Variants in CPA6 observed in about 807,000 individuals in gnomAD.
CPA6 encodes carboxypeptidase B.
A neutral mutation model predicts 63.3 loss-of-function variants in CPA6; 58 were observed. That is an observed-to-expected ratio of 0.92 (90% CI 0.74 to 1.14). The LOEUF is 1.14. Ranked by LOEUF, CPA6 falls within the 50% of genes most tolerant of loss-of-function variation. The pLI is 0.00. For synonymous variants in CPA6, 185 were observed against 179.0 expected (o/e 1.03, Z -0.27); for missense variants, 565 against 526.6 (o/e 1.07, Z -0.71).
At chr8:67,493,178 G>GT (rs1377229727) in intron 6 of CPA6, among the ~76,000 whole-genome samples, 6 of 151,984 alleles carry the variant, frequency 3.9e-5, no homozygotes, top group Admixed American at 3.9e-4. Context: ...TTTATTCCCT[G>GT]TTTTTTGGCA....
chr8:67,438,464 A>G lies in CPA6; in HGVS notation c.839-4224T>C, dbSNP rs569816555. 3.3e-5 allele frequency among the ~76,000 whole-genome samples: 5 copies of G among 152,332 alleles called. No individual in the cohort carries two copies. The South Asian group carries it at 8.3e-4, about 25-fold the overall frequency. ...AAAGGAATTTTGAATCTAGGCTTCT[A>G]TATCTAGCTGAATTCCCATTGCAAT... On this transcript the variant is annotated intron_variant, in intron 8 of 10. Transcript: ENST00000297770.
At chr8:67,436,986 G>A (rs570909815) in intron 8 of CPA6, among the ~76,000 whole-genome samples, 10 of 152,328 alleles carry the variant, frequency 6.6e-5, no homozygotes, top group Admixed American at 2.6e-4. Flanking sequence ...ATGCTGTAGG[G>A]AAGTCAAGAG....
At chr8:67,592,672 C>A (rs1268883564) in intron 2 of CPA6, among the ~76,000 whole-genome samples, 2 of 151,916 alleles carry the variant, frequency 1.3e-5, no homozygotes, top group South Asian at 2.1e-4. Flanking sequence ...AGTTTATTTG[C>A]GTAGAGGTGT....
At chr8:67,524,359 A>G (rs1266904083) in intron 2 of CPA6, among the ~76,000 whole-genome samples, 5 of 152,200 alleles carry the variant, frequency 3.3e-5, no homozygotes, top group African/African-American at 9.7e-5. Flanking sequence ...ATAGAAATCT[A>G]TTCTCTCACA....
rs558379964 is a variant in CPA6, at chr8:67,689,892, A to G, written c.116+56122T>C. Among the ~76,000 whole-genome samples, 6 of 152,332 alleles carry G rather than the reference A, an allele frequency of 3.9e-5. No homozygotes were observed. In the East Asian group the frequency reaches 1.2e-3, roughly 29 times the overall value. ...GCTGAACTAATTTATATTCCCACCAACAGTGAATAAGCATTCCCTTTTCTC... is the reference window on the plus strand; with the variant it reads ...GCTGAACTAATTTATATTCCCACCAGCAGTGAATAAGCATTCCCTTTTCTC... On this transcript the variant is annotated intron_variant, in intron 1 of 10. Coordinates refer to ENST00000297770, the MANE Select transcript of CPA6 (RefSeq NM_020361.5).
Position 67,746,169 on chromosome 8 carries a change from C to A in CPA6, c.-40G>T. On this transcript the variant is annotated 5_prime_UTR_variant, in exon 1 of 11. Transcript: ENST00000297770. ...AGGAGTTGAAAGTTACTTAAGCAGC[C>A]ACCCGAGGCTGGAGGTGGCTCACAG... 1 of 1,525,592 alleles carries A rather than the reference C, an allele frequency of 6.6e-7. No individual in the cohort carries two copies. Among genetic ancestry groups the A allele is most frequent in the Non-Finnish European group, 9.0e-7 (1 of 1,110,228 alleles). 94.5% of individuals were successfully genotyped at this position (1,525,592 alleles called of 1,614,324 possible). A position where few individuals can be genotyped will look rare whatever the true frequency, so the allele number is the denominator to read the frequency against.
chr8:67,666,762 G>T (rs183117012), intron 1 of CPA6, among the ~76,000 whole-genome samples: 1 of 152,238 alleles, frequency 6.6e-6, no homozygotes, highest in East Asian at 1.9e-4. Flanking sequence ...CTTCTCTGGG[G>T]CATTGGGGGA....
chr8:67,481,924 C>T (rs571302898), intron 8 of CPA6, among the ~76,000 whole-genome samples: 1 of 152,182 alleles, frequency 6.6e-6, no homozygotes, highest in Admixed American at 6.5e-5. Context: ...CCTGCACTTC[C>T]CCATCACTTC....
At chr8:67,513,645 C>T (rs1563982289) in intron 3 of CPA6, among the ~76,000 whole-genome samples, 1 of 152,140 alleles carries the variant, frequency 6.6e-6, no homozygotes, top group Non-Finnish European at 1.5e-5. Context: ...ACATTGCACC[C>T]AAACGCAGGC....
intron 1 of CPA6, among the ~76,000 whole-genome samples, chr8:67,627,086 A>G (rs1288500427): frequency 1.3e-5 from 2 of 152,186 alleles, no homozygotes; most frequent in African/African-American, 2.4e-5. Context: ...GCTGTTTGAT[A>G]ACTTATCAAA....
Position 67,624,811 on chromosome 8 carries a change from G to A in CPA6, c.117-560C>T, listed in dbSNP as rs182498376. On this transcript the variant is annotated intron_variant, in intron 1 of 10. Transcript: ENST00000297770. The stretch of plus-strand genomic sequence containing the variant: ...GGGGCCAAACAAGAGGGCCGTCGGC[G>A]TTAGACACTGATGGCTGTAAATTTT... Among the ~76,000 whole-genome samples the A allele has an allele frequency of 2.3e-4, 35 of 152,258 alleles. No individual in the cohort carries two copies. The East Asian group carries it at 5.2e-3, about 23-fold the overall frequency.
chr8:67,447,053 CACAT>C lies in CPA6; in HGVS notation c.839-12817_839-12814del, dbSNP rs1170965842. Among the ~76,000 whole-genome samples the C allele has an allele frequency of 3.9e-3, 576 of 149,510 alleles. 8 individuals are homozygous for C. The highest frequency in any genetic ancestry group is 0.013 in the African/African-American group (512 of 40,626). ...ATATACACACATATATATATACACA[CACAT>C]ATATATACACACATATATACACATA... On this transcript the variant is annotated intron_variant, in intron 8 of 10. Coordinates refer to ENST00000297770, the MANE Select transcript of CPA6 (RefSeq NM_020361.5).
At chr8:67,737,788 T>C (rs1817842075) in intron 1 of CPA6, among the ~76,000 whole-genome samples, 1 of 152,188 alleles carries the variant, frequency 6.6e-6, no homozygotes, top group Non-Finnish European at 1.5e-5. Flanking sequence ...CTCTAGAGAA[T>C]AGGAAAGGGT....
chr8:67,694,039 C>A (rs1816864098), intron 1 of CPA6, among the ~76,000 whole-genome samples: 1 of 152,186 alleles, frequency 6.6e-6, no homozygotes, highest in South Asian at 2.1e-4. Context: ...GCCTAATAGA[C>A]CTCTGGATTT....
intron 8 of CPA6, among the ~76,000 whole-genome samples, chr8:67,457,423 G>A (rs1361821417): frequency 6.6e-6 from 1 of 152,086 alleles, no homozygotes; most frequent in African/African-American, 2.4e-5. Flanking sequence ...ATATATGGGG[G>A]ACTTATTTTT....
intron 1 of CPA6, among the ~76,000 whole-genome samples, chr8:67,672,893 GTAT>G (rs1257692853): frequency 6.7e-6 from 1 of 149,940 alleles, no homozygotes. Flanking sequence ...ACAGAGGAAG[GTAT>G]TATTTCACTA....
At position 67,432,409 on chromosome 8, in the gene CPA6, C is replaced by T. The variant is rs1184216042; in HGVS notation, c.1041+1629G>A. Among the ~76,000 whole-genome samples, 5 of 152,250 alleles carry T rather than the reference C, an allele frequency of 3.3e-5. No homozygotes were observed. The East Asian group carries it at 9.7e-4, about 29-fold the overall frequency. ...GCACGGAAGCCCTGAGCCCCTTCCC[C>T]CATACATTGCCGTATGCTTCTCTTC... On this transcript the variant is annotated intron_variant, in intron 9 of 10. Coordinates refer to ENST00000297770, the MANE Select transcript of CPA6 (RefSeq NM_020361.5).
chr8:67,433,740 A>C (rs1810079952), intron 9 of CPA6, among the ~76,000 whole-genome samples: 1 of 152,248 alleles, frequency 6.6e-6, no homozygotes, highest in Admixed American at 6.5e-5. Flanking sequence ...CACTACGGTT[A>C]AAAGCAACAG....
At chr8:67,712,287 C>T (rs2129000456) in intron 1 of CPA6, among the ~76,000 whole-genome samples, 1 of 152,262 alleles carries the variant, frequency 6.6e-6, no homozygotes, top group East Asian at 1.9e-4. Context: ...GGAGAACCAC[C>T]AGATCAATTT....
Sources: gnomAD v4.1 joint callset for allele counts (sites outside exome capture counted in the v4.1 genomes callset) on GRCh38, gnomAD v4.1.1 for gene constraint, MANE v1.5 for transcripts, NCBI Gene and HGNC (gene_info 2026-07-23, HGNC 2026-07-21) for gene names.